PTPRZ1: variants seen among roughly 807,000 people sequenced by gnomAD.
The protein encoded by PTPRZ1 is receptor-type tyrosine-protein phosphatase zeta.
Under a neutral mutation model 214.1 loss-of-function variants are expected in PTPRZ1, and 82 were observed. The ratio of observed to expected loss-of-function variants is 0.38; its 90% CI spans 0.32 to 0.46. PTPRZ1 has a LOEUF of 0.46. Ranked by LOEUF, PTPRZ1 falls within the 20% of genes least tolerant of loss-of-function variation. PTPRZ1 has a pLI of 1.00. For missense variants in PTPRZ1, 2,603 were observed against 2,748.7 expected, an observed-to-expected ratio of 0.95 and a Z score of 1.19; for synonymous variants, 945 against 987.9, an observed-to-expected ratio of 0.96 and a Z score of 0.81.
At position 122,012,424 on chromosome 7, in the gene PTPRZ1, A is replaced by T. The variant is rs150328025; in HGVS notation, c.3378A>T (p.Gln1126His). Residue 1126 changes from glutamine (Q) to histidine (H), a missense_variant, in exon 12 of 30, where the codon CAA becomes CAT. Coordinates refer to ENST00000393386, the MANE Select transcript of PTPRZ1 (RefSeq NM_002851.3). ...SQVPENNFSV[Q>H]PTHTVSQASG... ...TTCCAGAAAATAACTTTTCAGTTCA[A>T]CCTACACATACTGTCTCTCAAGCAT... The T allele has an allele frequency of 1.2e-6, 2 of 1,613,722 alleles. No individual in the cohort carries two copies. The highest frequency in any genetic ancestry group is 2.7e-5 in the African/African-American group (2 of 74,902).
chr7:122,019,029 G>C (rs1213072010), intron 12 of PTPRZ1, 95 bp from the exon 13 acceptor site: 1 of 1,193,258 alleles, frequency 8.4e-7, no homozygotes, highest in Non-Finnish European at 1.2e-6. Context: ...TTAAAGGTAA[G>C]TAACAGCAAT....
intron 18 of PTPRZ1, among the ~76,000 whole-genome samples, chr7:122,037,277 A>G (rs1467389004): frequency 2.1e-5 from 3 of 143,514 alleles, no homozygotes; most frequent in Non-Finnish European, 4.6e-5. Flanking sequence ...TCCGTCTCAG[A>G]AAAAAAAAAA....
intron 1 of PTPRZ1, among the ~76,000 whole-genome samples, chr7:121,876,140 TA>T (rs1304384737): frequency 6.6e-6 from 1 of 152,242 alleles, no homozygotes; most frequent in Admixed American, 6.5e-5. Flanking sequence ...CTGGACATAA[TA>T]GACCAACTGC....
At chr7:121,950,565 T>G (rs1017220848) in intron 2 of PTPRZ1, among the ~76,000 whole-genome samples, 2 of 152,208 alleles carry the variant, frequency 1.3e-5, no homozygotes, top group African/African-American at 4.8e-5. Context: ...TGGCTCAGAC[T>G]AGAAAGCGGG....
intron 4 of PTPRZ1, among the ~76,000 whole-genome samples, chr7:121,975,743 T>G (rs1797409962): frequency 6.6e-6 from 1 of 152,072 alleles, no homozygotes; most frequent in Non-Finnish European, 1.5e-5. Context: ...AACTTAAAAC[T>G]CTTTTGGTAT....
intron 1 of PTPRZ1, among the ~76,000 whole-genome samples, chr7:121,912,510 A>C (rs1251366837): frequency 6.6e-6 from 1 of 152,220 alleles, no homozygotes; most frequent in Non-Finnish European, 1.5e-5. Context: ...TGTTCATTGA[A>C]ATATGACAGC....
intron 1 of PTPRZ1, among the ~76,000 whole-genome samples, chr7:121,905,738 A>C (rs1281408920): frequency 6.6e-6 from 1 of 151,710 alleles, no homozygotes; most frequent in African/African-American, 2.4e-5. Flanking sequence ...TATAAATTCA[A>C]ATTTAGACCT....
intron 22 of PTPRZ1, 148 bp downstream of exon 22, chr7:122,042,891 T>A: frequency 2.4e-6 from 2 of 831,674 alleles, no homozygotes; most frequent in Non-Finnish European, 3.8e-6. Flanking sequence ...ATAGTTCTGA[T>A]GTCTGTAGGC....
chr7:121,923,600 T>C (rs1441791087), intron 1 of PTPRZ1, among the ~76,000 whole-genome samples: 3 of 152,114 alleles, frequency 2.0e-5, no homozygotes, highest in African/African-American at 7.2e-5. Context: ...AAACAGAGAC[T>C]TTCTTTAGGG....
chr7:121,888,201 G>A (rs142894073), intron 1 of PTPRZ1, among the ~76,000 whole-genome samples: 3 of 151,710 alleles, frequency 2.0e-5, no homozygotes, highest in African/African-American at 2.4e-5. Flanking sequence ...CTGCTTGGTG[G>A]GTTTTGAGTG....
At chr7:121,991,416 A>C (rs1797957480) in intron 8 of PTPRZ1, among the ~76,000 whole-genome samples, 1 of 152,258 alleles carries the variant, frequency 6.6e-6, no homozygotes, top group African/African-American at 2.4e-5. Flanking sequence ...CAAACTTAAA[A>C]AAACAAAAAC....
chr7:121,960,333 C>T (rs1465191597), intron 2 of PTPRZ1, among the ~76,000 whole-genome samples: 4 of 152,144 alleles, frequency 2.6e-5, no homozygotes, highest in Non-Finnish European at 4.4e-5. Context: ...GAGCCACCCA[C>T]GCCTAGCTGA....
chr7:121,980,589 A>C (rs1797575277), intron 6 of PTPRZ1, among the ~76,000 whole-genome samples: 1 of 152,248 alleles, frequency 6.6e-6, no homozygotes, highest in Admixed American at 6.5e-5. Flanking sequence ...AATTCAGTTA[A>C]GAAAAGGTTT....
At chr7:121,911,639 T>G (rs2116310494) in intron 1 of PTPRZ1, among the ~76,000 whole-genome samples, 1 of 152,258 alleles carries the variant, frequency 6.6e-6, no homozygotes, top group East Asian at 1.9e-4. Context: ...TCTTCTTTCC[T>G]TTTCTTATCC....
chr7:121,957,887 A>G (rs926792612), intron 2 of PTPRZ1, among the ~76,000 whole-genome samples: 2 of 152,344 alleles, frequency 1.3e-5, no homozygotes, highest in South Asian at 4.1e-4. Flanking sequence ...ATATGAATAC[A>G]TATTCCATGA....
intron 12 of PTPRZ1, among the ~76,000 whole-genome samples, chr7:122,017,161 G>T (rs1322860558): frequency 1.3e-5 from 2 of 151,974 alleles, no homozygotes; most frequent in Non-Finnish European, 2.9e-5. Context: ...TTCCATCTAG[G>T]TAACAATAGT....
intron 12 of PTPRZ1, among the ~76,000 whole-genome samples, chr7:122,014,681 AC>A (rs1165958815): frequency 6.6e-6 from 1 of 151,912 alleles, no homozygotes; most frequent in East Asian, 1.9e-4. Context: ...CTCGTGATCC[AC>A]CCGCCTCGGC....
chr7:122,051,882 T>G lies in PTPRZ1; in HGVS notation c.6195T>G (p.Val2065=). Residue 2065 remains valine, a synonymous_variant, in exon 25 of 30, where the codon GTT becomes GTG. Transcript: ENST00000393386. Reference sequence around the variant, plus strand: ...GTGTTCCAGTGGAAAGATCAAGGGTTGGCATTTCATCCCTGAGTGGAGAAG... The same window carrying G: ...GTGTTCCAGTGGAAAGATCAAGGGTGGGCATTTCATCCCTGAGTGGAGAAG... The part of the protein sequence containing the change: ...SSIIPVERSR[V]GISSLSGEGT... The G allele has an allele frequency of 6.2e-7, 1 of 1,612,578 alleles. No homozygotes were observed. Among genetic ancestry groups the G allele is most frequent in the South Asian group, 1.1e-5 (1 of 90,824 alleles).
chr7:121,886,817 AAAT>A (rs1794412903), intron 1 of PTPRZ1, among the ~76,000 whole-genome samples: 1 of 152,134 alleles, frequency 6.6e-6, no homozygotes, highest in Admixed American at 6.6e-5. Flanking sequence ...ACCTTTGAGA[AAAT>A]AATGAACAAA....
Sources: gnomAD v4.1 joint callset for allele counts (sites outside exome capture counted in the v4.1 genomes callset) on GRCh38, gnomAD v4.1.1 for gene constraint, MANE v1.5 for transcripts, NCBI Gene and HGNC (gene_info 2026-07-23, HGNC 2026-07-21) for gene names.